The following CIT variants were observed in gnomAD, a reference collection of about 807,000 sequenced individuals.
CIT encodes citron rho-interacting serine/threonine kinase, also known as citron Rho-interacting kinase.
In CIT, 79 loss-of-function variants were observed where a neutral mutation model predicts 272.7. The ratio of observed to expected loss-of-function variants is 0.29; its 90% CI spans 0.24 to 0.35. The LOEUF is 0.35. Among genes scored for constraint, CIT ranks in the 10% least tolerant of loss-of-function variants. The pLI, the probability that CIT is intolerant of heterozygous loss-of-function variation, is 1.00. For synonymous variants in CIT, 948 were observed against 995.6 expected (o/e 0.95, Z 0.90); for missense variants, 1,909 against 2,618.3 (o/e 0.73, Z 5.91).
chr12:119,776,038 G>A (rs555922891), intron 15 of CIT, among the ~76,000 whole-genome samples, 199 bp from the exon 16 acceptor site: 90 of 152,322 alleles, frequency 5.9e-4, no homozygotes, highest in Middle Eastern at 6.8e-3. Flanking sequence ...GATGATGCAT[G>A]TAGGACCAGC....
At chr12:119,692,105 C>A (rs778092633) in intron 46 of CIT, among the ~76,000 whole-genome samples, 1 of 152,100 alleles carries the variant, frequency 6.6e-6, no homozygotes, top group African/African-American at 2.4e-5. Context: ...CTGACACCAA[C>A]GTTGGACACA....
At chr12:119,769,811 CAG>C (rs1962891346) in intron 18 of CIT, among the ~76,000 whole-genome samples, 1 of 152,156 alleles carries the variant, frequency 6.6e-6, no homozygotes. Flanking sequence ...TACACACAAA[CAG>C]AAATGTAAAG....
At chr12:119,835,007 A>T (rs1968896817) in intron 5 of CIT, among the ~76,000 whole-genome samples, 1 of 152,230 alleles carries the variant, frequency 6.6e-6, no homozygotes, top group Admixed American at 6.5e-5. Context: ...AATAAAGTAC[A>T]ACCCCTTTTT....
chr12:119,720,703 C>G, intron 29 of CIT, 118 bp from the exon 30 acceptor site: 2 of 647,504 alleles, frequency 3.1e-6, no homozygotes, highest in Non-Finnish European at 5.2e-6. Flanking sequence ...AAATCCAACA[C>G]AAACAGTACT....
Position 119,718,865 on chromosome 12 carries a change from G to T in CIT, c.3841-4C>A, listed in dbSNP as rs1212612189. On this transcript the variant is annotated splice_polypyrimidine_tract_variant and splice_region_variant and intron_variant, in intron 30 of 47. Transcript: ENST00000392521. The surrounding 1 kb of genome is among the most constrained non-coding windows in gnomAD (Gnocchi z 4.8). The stretch of plus-strand genomic sequence containing the variant: ...CTTTCCGTCGACTAAATAAACCCTA[G>T]CAATGGAAACAGAGATATCTCCTAA... 6.2e-7 allele frequency: 1 copy of T among 1,613,876 alleles called. No individual in the cohort carries two copies. Among genetic ancestry groups the T allele is most frequent in the Admixed American group, 1.7e-5 (1 of 60,004 alleles).
chr12:119,863,917 C>T (rs576345241), intron 3 of CIT, among the ~76,000 whole-genome samples: 15 of 151,976 alleles, frequency 9.9e-5, no homozygotes, highest in Middle Eastern at 3.4e-3. Flanking sequence ...AGCAAGAAGG[C>T]GCCATTTTTG....
intron 23 of CIT, among the ~76,000 whole-genome samples, chr12:119,745,905 T>C (rs1024299263): frequency 6.6e-6 from 1 of 152,246 alleles, no homozygotes; most frequent in Non-Finnish European, 1.5e-5. Flanking sequence ...ACTTCCTAAA[T>C]AACTAGCCTA....
At chr12:119,760,399 G>T (rs538207846) in intron 20 of CIT, among the ~76,000 whole-genome samples, 41 of 152,092 alleles carry the variant, frequency 2.7e-4, no homozygotes, top group African/African-American at 9.4e-4. Flanking sequence ...GACCAAGATG[G>T]GAGGATTGCT....
chr12:119,712,805 G>T lies in CIT; in HGVS notation c.4580-110C>A. The T allele has an allele frequency of 2.5e-6, 2 of 812,272 alleles. No individual in the cohort carries two copies. The highest frequency in any genetic ancestry group is 4.0e-6 in the Non-Finnish European group (2 of 493,930). 50.3% of individuals were successfully genotyped at this position (812,272 alleles called of 1,614,324 possible). A position where few individuals can be genotyped will look rare whatever the true frequency, so the allele number is the denominator to read the frequency against. On this transcript the variant is annotated intron_variant, in intron 35 of 47. Coordinates refer to ENST00000392521, the MANE Select transcript of CIT (RefSeq NM_001206999.2). This position sits in a 1 kb window ranked among gnomAD's most constrained non-coding sequence, Gnocchi z 5.2. The stretch of plus-strand genomic sequence containing the variant: ...AGGGAGAGAGAGACAGGGTACGTGT[G>T]TAAAGAGAGGCGCACGAGAACAAGG...
intron 9 of CIT, among the ~76,000 whole-genome samples, chr12:119,807,647 T>A (rs1966687660): frequency 6.6e-6 from 1 of 152,140 alleles, no homozygotes; most frequent in African/African-American, 2.4e-5. Context: ...ATAGGTCTTG[T>A]AAAGAGAGCA....
intron 5 of CIT, among the ~76,000 whole-genome samples, chr12:119,841,826 G>C (rs776363760): frequency 6.6e-6 from 1 of 152,190 alleles, no homozygotes; most frequent in African/African-American, 2.4e-5. Flanking sequence ...TCACAACATG[G>C]AAGGAACCTG....
chr12:119,837,879 G>A (rs1969118491), intron 5 of CIT, among the ~76,000 whole-genome samples: 1 of 151,956 alleles, frequency 6.6e-6, no homozygotes, highest in African/African-American at 2.4e-5. Flanking sequence ...ACCAGCTTGG[G>A]CAACAAAGCC....
intron 28 of CIT, among the ~76,000 whole-genome samples, chr12:119,726,685 G>A (rs16949608): frequency 6.6e-6 from 1 of 152,000 alleles, no homozygotes; most frequent in Admixed American, 6.6e-5. Flanking sequence ...GCTCACTAAG[G>A]GTTAAACAGA....
At chr12:119,806,137 CAAAAAAAAAAA>C (rs3858711) in intron 9 of CIT, among the ~76,000 whole-genome samples, 8 of 62,666 alleles carry the variant, frequency 1.3e-4, no homozygotes, top group East Asian at 4.7e-4. Flanking sequence ...AACACCATCT[CAAAAAAAAAAA>C]AAAAAAAAAA....
Position 119,760,986 on chromosome 12 carries a change from C to T in CIT, c.2374G>A (p.Glu792Lys). The change falls in exon 20 of 48, where the codon GAG becomes AAG. Residue 792 changes from glutamate to lysine, a missense_variant. Glu to Lys is a moderately conservative substitution (Grantham distance 56). Around this residue, in one of 8 missense-constraint regions of CIT, gnomAD observed 530 missense variants for 822.4 expected, o/e 0.64. Transcript: ENST00000392521. The part of the protein sequence containing the change: ...ETLENMMQRH[E>K]EEAHEKGKIL... ...TTGCCCTTCTCATGGGCCTCCTCCT[C>T]GTGTCTCTGCATCATGTTCTCCAGT... is the stretch of plus-strand genomic sequence containing the variant. 5 of 1,614,172 alleles carry T rather than the reference C, an allele frequency of 3.1e-6. No homozygotes were observed. The highest frequency in any genetic ancestry group is 1.6e-4 in the Middle Eastern group (1 of 6,062).
chr12:119,711,686 C>T (rs982586867), intron 37 of CIT, among the ~76,000 whole-genome samples: 2 of 152,294 alleles, frequency 1.3e-5, no homozygotes, highest in East Asian at 3.9e-4. Flanking sequence ...GTCCATGCCT[C>T]GCTCTGTTGC....
At chr12:119,844,432 G>T (rs906946447) in intron 5 of CIT, among the ~76,000 whole-genome samples, 1 of 152,110 alleles carries the variant, frequency 6.6e-6, no homozygotes, top group Admixed American at 6.6e-5. Context: ...TAAAGGGAAT[G>T]AATAAAGACT....
intron 12 of CIT, chr12:119,783,686 T>C: frequency 2.2e-6 from 1 of 464,638 alleles, no homozygotes; most frequent in Non-Finnish European, 3.7e-6. Context: ...ACCAGCCGTC[T>C]ACCTGCACTT....
rs562180235 is a variant in CIT, at chr12:119,801,127, C to T, written c.1295+2079G>A. Among the ~76,000 whole-genome samples the T allele has an allele frequency of 2.6e-5, 4 of 152,258 alleles. No individual in the cohort carries two copies. In the South Asian group the frequency reaches 8.3e-4, roughly 32 times the overall value. On this transcript the variant is annotated intron_variant, in intron 10 of 47. Transcript: ENST00000392521. ...AATACACAGTTTTATTTGCATGGAC[C>T]TTTTTTGAAATAAGAATCTTATTAA...
Sources: gnomAD v4.1 joint callset for allele counts (sites outside exome capture counted in the v4.1 genomes callset) on GRCh38, gnomAD v4.1.1 for gene constraint, gnomAD v4.1.1 regional missense constraint, Gnocchi (gnomAD v3.1) non-coding constraint, MANE v1.5 for transcripts, NCBI Gene and HGNC (gene_info 2026-07-23, HGNC 2026-07-21) for gene names.